Variants in TRPV5 observed in about 807,000 individuals in gnomAD.
TRPV5 encodes calcium transport protein 2.
Under a neutral mutation model 74.1 loss-of-function variants are expected in TRPV5, and 66 were observed. The observed-to-expected ratio is 0.89, with a 90% confidence interval of 0.73 to 1.09. TRPV5 has a LOEUF of 1.09. Ranked by LOEUF, TRPV5 falls within the 50% of genes least tolerant of loss-of-function variation. The pLI, the probability that TRPV5 is intolerant of heterozygous loss-of-function variation, is 0.00. For missense variants in TRPV5, 936 were observed against 930.4 expected, an observed-to-expected ratio of 1.01 and a Z score of -0.08; for synonymous variants, 399 against 360.7, an observed-to-expected ratio of 1.11 and a Z score of -1.20.
chr7:142,929,666 TTTGC>T (rs1796051184), intron 3 of TRPV5, 101 bp from the exon 4 acceptor site: 12 of 1,531,036 alleles, frequency 7.8e-6, no homozygotes, highest in Non-Finnish European at 9.7e-6. Context: ...CTGATAGATC[TTTGC>T]TAGACTTCTG....
At chr7:142,921,886 T>C (rs115277662) in intron 8 of TRPV5, among the ~76,000 whole-genome samples, 2 of 152,348 alleles carry the variant, frequency 1.3e-5, no homozygotes, top group East Asian at 3.9e-4. Flanking sequence ...GGTGAGGTTA[T>C]TCCTGCCTTG....
chr7:142,917,786 C>T (rs775635702), intron 8 of TRPV5, among the ~76,000 whole-genome samples: 6 of 152,178 alleles, frequency 3.9e-5, no homozygotes, highest in Non-Finnish European at 8.8e-5. Flanking sequence ...CTGCAAAGTG[C>T]CACAGACTCC....
At chr7:142,913,280 G>A (rs969516657) in intron 12 of TRPV5, among the ~76,000 whole-genome samples, 2 of 152,174 alleles carry the variant, frequency 1.3e-5, no homozygotes, top group East Asian at 3.8e-4. Context: ...ACGGATTCCT[G>A]CTTAGGGTGG....
In TRPV5 at chr7:142,909,585, G is replaced by A; in HGVS notation, c.1800C>T (p.Thr600=). The A allele has an allele frequency of 6.2e-7, 1 of 1,613,894 alleles. No homozygotes were observed. Among genetic ancestry groups the A allele is most frequent in the African/African-American group, 1.3e-5 (1 of 75,048 alleles). The change falls in exon 14 of 15, where the codon ACC becomes ACT. Residue 600 remains threonine (T), a synonymous_variant. Coordinates refer to ENST00000265310, the MANE Select transcript of TRPV5 (RefSeq NM_019841.7). ...GCAGCTTCCGCTCCAGCATCACTGT[G>A]GTGGCCACGACCTGGAAGGAGGCAG... ...DELWRAQVVA[T]TVMLERKLPR...
At chr7:142,924,022 T>A (rs1194100200) in intron 8 of TRPV5, among the ~76,000 whole-genome samples, 1 of 151,934 alleles carries the variant, frequency 6.6e-6, no homozygotes, top group African/African-American at 2.4e-5. Flanking sequence ...CAATTTCTAA[T>A]CACTCCTCCC....
intron 13 of TRPV5, 130 bp downstream of exon 13, chr7:142,912,352 C>A: frequency 8.0e-7 from 1 of 1,244,554 alleles, no homozygotes; most frequent in Non-Finnish European, 1.1e-6. Flanking sequence ...TTTACACAAA[C>A]CTCTTCTGAG....
intron 8 of TRPV5, among the ~76,000 whole-genome samples, chr7:142,916,688 A>G (rs1795804953): frequency 6.6e-6 from 1 of 152,168 alleles, no homozygotes; most frequent in Non-Finnish European, 1.5e-5. Flanking sequence ...TAGTTAGCAT[A>G]AGGAACGGCA....
chr7:142,924,458 T>C (rs896576423), intron 8 of TRPV5, among the ~76,000 whole-genome samples: 1 of 149,992 alleles, frequency 6.7e-6, no homozygotes, highest in Non-Finnish European at 1.5e-5. Context: ...CTACCTAGCA[T>C]AGGGTTCATT....
intron 13 of TRPV5, 80 bp downstream of exon 13, chr7:142,912,402 A>G: frequency 6.5e-7 from 1 of 1,537,148 alleles, no homozygotes. Flanking sequence ...TCTTTTAAGA[A>G]TGATCCACCA....
Position 142,908,287 on chromosome 7 carries a change from G to A in TRPV5, c.*227C>T, listed in dbSNP as rs929114495. ...TTGCCAACCTCCTTTTTCCTGAGATGGGTGACTTGCAAGAGCCCAGAAAAT... is the reference window on the plus strand; with the variant it reads ...TTGCCAACCTCCTTTTTCCTGAGATAGGTGACTTGCAAGAGCCCAGAAAAT... On this transcript the variant is annotated 3_prime_UTR_variant, in exon 15 of 15. Transcript: ENST00000265310. 10 of 583,724 alleles carry A rather than the reference G, an allele frequency of 1.7e-5. No individual in the cohort carries two copies. The highest frequency in any genetic ancestry group is 2.7e-5 in the Non-Finnish European group (9 of 331,132). 36.2% of individuals were successfully genotyped at this position (583,724 alleles called of 1,614,324 possible). A position where few individuals can be genotyped will look rare whatever the true frequency, so the allele number is the denominator to read the frequency against.
At position 142,908,455 on chromosome 7, in the gene TRPV5, G is replaced by A. The variant is rs980331907; in HGVS notation, c.*59C>T. The stretch of plus-strand genomic sequence containing the variant: ...GACACTTGCATAGGCAGAGGTCTCC[G>A]TCTCTGTCCCCGCCCCCAGGCCAAC... On this transcript the variant is annotated 3_prime_UTR_variant, in exon 15 of 15. Coordinates refer to ENST00000265310, the MANE Select transcript of TRPV5 (RefSeq NM_019841.7). 119 of 1,578,006 alleles carry A rather than the reference G, an allele frequency of 7.5e-5. No homozygotes were observed. Among genetic ancestry groups the A allele is most frequent in the African/African-American group, 9.4e-5 (7 of 74,264 alleles).
At chr7:142,924,654 C>T (rs941322635) in intron 8 of TRPV5, 1 of 152,066 alleles carries the variant, frequency 6.6e-6, no homozygotes, top group African/African-American at 2.4e-5. Context: ...TCTCCAATCA[C>T]TCAGTTCTCA....
At position 142,930,137 on chromosome 7, in the gene TRPV5, G is replaced by T; in HGVS notation, c.270C>A (p.Asp90Glu). ...ETALHIAALY[D>E]NLEAALVLME... Reference sequence around the variant, plus strand: ...TCAGCACCAAGGCCGCCTCCAAGTTGTCATAGAGGGCTGCTATGTGCAGCG... The same window carrying T: ...TCAGCACCAAGGCCGCCTCCAAGTTTTCATAGAGGGCTGCTATGTGCAGCG... The change falls in exon 3 of 15, where the codon GAC becomes GAA. Residue 90 changes from aspartate to glutamate, a missense_variant. Asp to Glu is a conservative substitution (Grantham distance 45, BLOSUM62 2). Coordinates refer to ENST00000265310, the MANE Select transcript of TRPV5 (RefSeq NM_019841.7). The T allele has an allele frequency of 6.2e-7, 1 of 1,614,228 alleles. No homozygotes were observed. The highest frequency in any genetic ancestry group is 8.5e-7 in the Non-Finnish European group (1 of 1,180,052).
Position 142,924,307 on chromosome 7 carries a change from T to TATAC in TRPV5, c.1122+1221_1122+1222insGTAT, listed in dbSNP as rs1795939425. ...ATATACATGTATATATATACATATA[T>TATAC]ATATACACACATATACATGTATATA... On this transcript the variant is annotated intron_variant, in intron 8 of 14. Coordinates refer to ENST00000265310, the MANE Select transcript of TRPV5 (RefSeq NM_019841.7). Among the ~76,000 whole-genome samples the TATAC allele has an allele frequency of 1.2e-4, 4 of 33,200 alleles. 1 individual carries two copies. Among genetic ancestry groups the TATAC allele is most frequent in the African/African-American group, 2.8e-4 (4 of 14,386 alleles). The allele number at this position is 33,200 out of a possible 152,430, so 21.8% of individuals were successfully genotyped here.
intron 7 of TRPV5, among the ~76,000 whole-genome samples, chr7:142,927,061 C>T (rs1309834514): frequency 6.6e-6 from 1 of 152,186 alleles, no homozygotes; most frequent in East Asian, 1.9e-4. Flanking sequence ...CCTCACATCA[C>T]TCAACCCAGC....
At chr7:142,910,583 C>A (rs928040347) in intron 13 of TRPV5, among the ~76,000 whole-genome samples, 3 of 152,148 alleles carry the variant, frequency 2.0e-5, no homozygotes, top group Non-Finnish European at 4.4e-5. Context: ...TGAAGGAGTG[C>A]AATCTTCAAA....
At chr7:142,930,807 T>C (rs959584412) in intron 1 of TRPV5, among the ~76,000 whole-genome samples, 3 of 152,106 alleles carry the variant, frequency 2.0e-5, no homozygotes, top group Non-Finnish European at 2.9e-5. Flanking sequence ...CTGTCTCAGA[T>C]CCTGGATAGT....
chr7:142,924,672 T>C (rs1191105510), intron 8 of TRPV5: 1 of 152,104 alleles, frequency 6.6e-6, no homozygotes, highest in Non-Finnish European at 1.5e-5. Flanking sequence ...TCACTTGCTT[T>C]GCAAAATTCT....
Position 142,933,684 on chromosome 7 carries a change from G to A in TRPV5, c.-225C>T. The A allele has an allele frequency of 1.7e-6, 1 of 587,246 alleles. No individual in the cohort carries two copies. Among genetic ancestry groups the A allele is most frequent in the Non-Finnish European group, 3.0e-6 (1 of 337,242 alleles). The allele number at this position is 587,246 out of a possible 1,614,324, so 36.4% of individuals were successfully genotyped here. On this transcript the variant is annotated 5_prime_UTR_variant, in exon 1 of 15. Transcript: ENST00000265310. ...TGCACAGTGTGTGGCTGTGGTGTAT[G>A]TGTGTGCATGCAGTGTGTGGTTGTG...
Sources: allele counts gnomAD v4.1 joint callset (sites outside exome capture counted in the v4.1 genomes callset), GRCh38; gene constraint gnomAD v4.1.1; transcripts MANE v1.5; gene names NCBI Gene and HGNC (gene_info 2026-07-23, HGNC 2026-07-21).